ZFPM2: variants seen among roughly 807,000 people sequenced by gnomAD.
The protein encoded by ZFPM2 is zinc finger protein, FOG family member 2, also known as zinc finger protein ZFPM2.
Under a neutral mutation model 98.6 loss-of-function variants are expected in ZFPM2, and 20 were observed. That is an observed-to-expected ratio of 0.20 (90% CI 0.14 to 0.29). The LOEUF (loss-of-function observed/expected upper bound fraction) is 0.29, where lower values mean the gene tolerates loss of function less well. Among genes scored for constraint, ZFPM2 ranks in the 10% least tolerant of loss-of-function variants. ZFPM2 has a pLI of 1.00. For synonymous variants in ZFPM2, 518 were observed against 502.7 expected (o/e 1.03, Z -0.41); for missense variants, 1,310 against 1,388.6 (o/e 0.94, Z 0.90).
At chr8:105,783,214 T>G (rs1381846441) in intron 5 of ZFPM2, among the ~76,000 whole-genome samples, 2 of 146,174 alleles carry the variant, frequency 1.4e-5, no homozygotes, top group South Asian at 2.1e-4. Flanking sequence ...TTTATGGTTT[T>G]TTTTTTTTTT....
intron 1 of ZFPM2, among the ~76,000 whole-genome samples, chr8:105,414,654 G>C (rs1231817507): frequency 6.7e-6 from 1 of 150,056 alleles, no homozygotes; most frequent in Non-Finnish European, 1.5e-5. Flanking sequence ...TCTTACTCCA[G>C]TGGCTATGGA....
intron 3 of ZFPM2, among the ~76,000 whole-genome samples, chr8:105,470,334 G>C (rs1307720112): frequency 1.3e-5 from 2 of 152,080 alleles, no homozygotes; most frequent in African/African-American, 4.8e-5. Context: ...TAATTTTGTT[G>C]TGCCTCAGTA....
intron 3 of ZFPM2, among the ~76,000 whole-genome samples, chr8:105,551,143 A>C (rs910097386): frequency 6.6e-6 from 1 of 152,202 alleles, no homozygotes; most frequent in African/African-American, 2.4e-5. Flanking sequence ...CGACTAAGGC[A>C]TTTTTAAAGT....
At chr8:105,394,963 G>C (rs957033950) in intron 1 of ZFPM2, among the ~76,000 whole-genome samples, 5 of 152,098 alleles carry the variant, frequency 3.3e-5, no homozygotes, top group Non-Finnish European at 7.4e-5. Context: ...AGTCTTTTCT[G>C]GTCCTTTTCC....
At position 105,803,883 on chromosome 8, in the gene ZFPM2, C is replaced by G. The variant is rs2131185191; in HGVS notation, c.*345C>G. 5.6e-6 allele frequency: 1 copy of G among 179,910 alleles called. No individual in the cohort carries two copies. The highest frequency in any genetic ancestry group is 5.5e-5 in the Admixed American group (1 of 18,088). 11.1% of individuals were successfully genotyped at this position (179,910 alleles called of 1,614,324 possible). A position where few individuals can be genotyped will look rare whatever the true frequency, so the allele number is the denominator to read the frequency against. Reference sequence around the variant, plus strand: ...TAGTAGCTTTTAAAGAAAATAGTCACAATACAGAAAAGCATTTTAGAAATA... The same window carrying G: ...TAGTAGCTTTTAAAGAAAATAGTCAGAATACAGAAAAGCATTTTAGAAATA... On this transcript the variant is annotated 3_prime_UTR_variant, in exon 8 of 8. Transcript: ENST00000407775.
At position 105,697,430 on chromosome 8, in the gene ZFPM2, T is replaced by A. The variant is rs1446458279; in HGVS notation, c.532+63073T>A. On this transcript the variant is annotated intron_variant, in intron 5 of 7. Coordinates refer to ENST00000407775, the MANE Select transcript of ZFPM2 (RefSeq NM_012082.4). The stretch of plus-strand genomic sequence containing the variant: ...AGATAGGTAATCCATGTAAGGTATT[T>A]TAAAGACAGCTTATTAAAGGATTGA... 5.3e-5 allele frequency among the ~76,000 whole-genome samples: 8 copies of A among 152,172 alleles called. No individual in the cohort carries two copies. In the East Asian group the frequency reaches 1.5e-3, roughly 29 times the overall value.
At chr8:105,671,166 AT>A (rs973428535) in intron 5 of ZFPM2, among the ~76,000 whole-genome samples, 7 of 151,992 alleles carry the variant, frequency 4.6e-5, no homozygotes, top group Non-Finnish European at 1.0e-4. Flanking sequence ...TGATACATAT[AT>A]TTTGCCATAC....
intron 6 of ZFPM2, among the ~76,000 whole-genome samples, chr8:105,792,042 T>C (rs1432535767): frequency 1.3e-5 from 2 of 152,084 alleles, no homozygotes; most frequent in African/African-American, 4.8e-5. Flanking sequence ...AAAAAACCAG[T>C]TCCTGGATTC....
chr8:105,668,814 C>A (rs1219538368), intron 5 of ZFPM2, among the ~76,000 whole-genome samples: 1 of 152,038 alleles, frequency 6.6e-6, no homozygotes, highest in Non-Finnish European at 1.5e-5. Context: ...TTTAGTTTCT[C>A]AATTAAATTT....
chr8:105,729,172 C>T (rs926308103), intron 5 of ZFPM2, among the ~76,000 whole-genome samples: 11 of 151,624 alleles, frequency 7.3e-5, no homozygotes, highest in African/African-American at 2.7e-4. Context: ...CATATTATAT[C>T]TCTGAAGGTT....
intron 5 of ZFPM2, among the ~76,000 whole-genome samples, chr8:105,653,350 A>G (rs1379747766): frequency 1.3e-5 from 2 of 152,312 alleles, no homozygotes; most frequent in East Asian, 1.9e-4. Flanking sequence ...AATTGCCACT[A>G]TATGCCAGGT....
chr8:105,783,492 AG>A (rs1320860447), intron 5 of ZFPM2, among the ~76,000 whole-genome samples: 1 of 152,052 alleles, frequency 6.6e-6, no homozygotes, highest in Non-Finnish European at 1.5e-5. Context: ...ATCCATCTCT[AG>A]AGCTCTTTAT....
chr8:105,449,451 T>G (rs185942233), intron 3 of ZFPM2, among the ~76,000 whole-genome samples: 1 of 152,056 alleles, frequency 6.6e-6, no homozygotes, highest in Non-Finnish European at 1.5e-5. Context: ...TGTTAAGCTT[T>G]GGGTCATTTC....
At chr8:105,346,562 C>T (rs1812540766) in intron 1 of ZFPM2, among the ~76,000 whole-genome samples, 2 of 152,102 alleles carry the variant, frequency 1.3e-5, no homozygotes, top group Non-Finnish European at 1.5e-5. Flanking sequence ...GTGTGCAATA[C>T]ATATTACTTC....
chr8:105,324,315 A>G (rs751876069), intron 1 of ZFPM2, among the ~76,000 whole-genome samples: 43 of 151,802 alleles, frequency 2.8e-4, no homozygotes, highest in Non-Finnish European at 5.2e-4. Context: ...ATATGTATCC[A>G]TATTATTATA....
intron 1 of ZFPM2, among the ~76,000 whole-genome samples, chr8:105,368,276 G>C (rs1013769307): frequency 2.6e-5 from 4 of 151,692 alleles, no homozygotes; most frequent in African/African-American, 9.7e-5. Context: ...TTTTTCTATT[G>C]ATTGGAATAG....
At chr8:105,791,478 T>A (rs1813610042) in intron 6 of ZFPM2, among the ~76,000 whole-genome samples, 3 of 151,966 alleles carry the variant, frequency 2.0e-5, no homozygotes, top group Admixed American at 2.0e-4. Context: ...GATGTGCTGC[T>A]GGATTCAGTT....
intron 2 of ZFPM2, among the ~76,000 whole-genome samples, chr8:105,423,175 G>C: frequency 6.6e-6 from 1 of 152,124 alleles, no homozygotes. Context: ...AAATGTCCGA[G>C]ATTGTTGGTC....
At chr8:105,754,179 GT>G (rs1205075526) in intron 5 of ZFPM2, among the ~76,000 whole-genome samples, 2 of 152,056 alleles carry the variant, frequency 1.3e-5, no homozygotes, top group African/African-American at 4.8e-5. Context: ...TTTCCTTTGA[GT>G]CCAAAAGCTA....
Sources: gnomAD v4.1 joint callset for allele counts (sites outside exome capture counted in the v4.1 genomes callset) on GRCh38, gnomAD v4.1.1 for gene constraint, MANE v1.5 for transcripts, NCBI Gene and HGNC (gene_info 2026-07-23, HGNC 2026-07-21) for gene names.